ADCK5: variants seen among roughly 807,000 people sequenced by gnomAD.
The protein encoded by ADCK5 is uncharacterized aarF domain-containing protein kinase 5.
In ADCK5, 43 loss-of-function variants were observed where a neutral mutation model predicts 64.9. The observed-to-expected ratio is 0.66, with a 90% CI of 0.52 to 0.85. ADCK5 has a LOEUF of 0.85. Ranked by LOEUF, ADCK5 falls within the 40% of genes least tolerant of loss-of-function variation. The pLI, the probability that ADCK5 is intolerant of heterozygous loss-of-function variation, is 0.00. For synonymous variants in ADCK5, 434 were observed against 342.8 expected, an observed-to-expected ratio of 1.27 and a Z score of -2.94; for missense variants, 760 against 810.5, an observed-to-expected ratio of 0.94 and a Z score of 0.76.
chr8:144,377,326 G>A (rs1201975682), intron 1 of ADCK5: 1 of 152,152 alleles, frequency 6.6e-6, no homozygotes, highest in Non-Finnish European at 1.5e-5. Flanking sequence ...TGTGTCAAGA[G>A]TCTCATGGTG....
At chr8:144,373,867 A>T, upstream of ADCK5, 1 of 394,028 alleles carries the variant, frequency 2.5e-6, no homozygotes, top group Non-Finnish European at 4.4e-6. Flanking sequence ...CTCCGCTCTC[A>T]GGAGGCGCGG....
At chr8:144,381,728 T>G (rs782802372) in intron 2 of ADCK5, among the ~76,000 whole-genome samples, 3 of 121,562 alleles carry the variant, frequency 2.5e-5, no homozygotes, top group South Asian at 2.9e-4. Flanking sequence ...AGGCACCTGC[T>G]GCACTCAGGA....
intron 3 of ADCK5, among the ~76,000 whole-genome samples, chr8:144,389,947 G>A (rs920668446): frequency 1.3e-4 from 19 of 151,782 alleles, no homozygotes; most frequent in African/African-American, 3.4e-4. Context: ...TCCTGCCTCA[G>A]TCTCCCGAGT....
chr8:144,389,954 G>A (rs1196261502), intron 3 of ADCK5, among the ~76,000 whole-genome samples: 7 of 151,774 alleles, frequency 4.6e-5, no homozygotes, highest in South Asian at 2.1e-4. Context: ...TCAGTCTCCC[G>A]AGTAGCTGGG....
At chr8:144,379,315 G>A (rs1819499760) in intron 1 of ADCK5, 72 bp from the exon 2 acceptor site, 1 of 1,169,118 alleles carries the variant, frequency 8.6e-7, no homozygotes, top group Non-Finnish European at 1.2e-6. Flanking sequence ...GCACATGTAA[G>A]TGCTGGTACT....
At position 144,392,953 on chromosome 8, in the gene ADCK5, G is replaced by A; in HGVS notation, c.1638-16G>A. On this transcript the variant is annotated splice_polypyrimidine_tract_variant and intron_variant, in intron 14 of 14. Transcript: ENST00000308860. ...TGCTCCCCACCCACCTGTGACCTGT[G>A]ACCTGACCCACGCAGGCTGGAGACC... The A allele has an allele frequency of 7.6e-6, 12 of 1,587,316 alleles. No homozygotes were observed. The highest frequency in any genetic ancestry group is 1.0e-5 in the Non-Finnish European group (12 of 1,169,458).
intron 3 of ADCK5, among the ~76,000 whole-genome samples, chr8:144,387,817 C>T (rs530475055): frequency 6.6e-6 from 1 of 150,958 alleles, no homozygotes; most frequent in Admixed American, 6.6e-5. Context: ...CTGCAACCTC[C>T]ACCTCCTGGA....
chr8:144,379,015 C>T (rs1200422992), intron 1 of ADCK5, among the ~76,000 whole-genome samples: 1 of 151,206 alleles, frequency 6.6e-6, no homozygotes, highest in Non-Finnish European at 1.5e-5. Context: ...CTCACTGCAA[C>T]CTCTGCCTCC....
chr8:144,388,832 C>T (rs2130721603), intron 3 of ADCK5, among the ~76,000 whole-genome samples: 1 of 152,158 alleles, frequency 6.6e-6, no homozygotes, highest in South Asian at 2.1e-4. Context: ...TCTACGGGGG[C>T]CAGAGTGGGG....
At chr8:144,390,496 C>T (rs1820163629) in intron 3 of ADCK5, among the ~76,000 whole-genome samples, 175 bp from the exon 4 acceptor site, 1 of 152,276 alleles carries the variant, frequency 6.6e-6, no homozygotes, top group Non-Finnish European at 1.5e-5. Context: ...CTCAGCAGCA[C>T]CCCTTGTGCT....
chr8:144,377,808 C>T (rs1459169920), intron 1 of ADCK5, among the ~76,000 whole-genome samples: 2 of 152,216 alleles, frequency 1.3e-5, no homozygotes, highest in South Asian at 2.1e-4. Flanking sequence ...CCCATCCGGG[C>T]GTCCACCTTC....
At chr8:144,378,453 GCTCT>G (rs140097343) in intron 1 of ADCK5, among the ~76,000 whole-genome samples, 1 of 150,896 alleles carries the variant, frequency 6.6e-6, no homozygotes, top group Non-Finnish European at 1.5e-5. Flanking sequence ...CCTCTCGCTT[GCTCT>G]CTCTCTCTCT....
In ADCK5 at chr8:144,393,027, A is replaced by C; in HGVS notation, c.1696A>C (p.Ser566Arg). 6.3e-7 allele frequency: 1 copy of C among 1,591,344 alleles called. No homozygotes were observed. Among genetic ancestry groups the C allele is most frequent in the East Asian group, 2.3e-5 (1 of 44,036 alleles). Residue 566 changes from serine (S) to arginine (R), a missense_variant, in exon 15 of 15, where the codon AGC (serine) becomes CGC (arginine). By Grantham distance (110) the Ser-to-Arg change is moderately radical. Transcript: ENST00000308860. ...CCTGGCTCGTGCTCTGGTCCACCTG[A>C]GCCTCGTGCCCCCAGCGGAGGAGCT... ...ALLARALVHL[S>R]LVPPAEELYQ...
intron 3 of ADCK5, among the ~76,000 whole-genome samples, chr8:144,388,950 G>T (rs181938574): frequency 6.6e-6 from 1 of 152,150 alleles, no homozygotes; most frequent in Non-Finnish European, 1.5e-5. Context: ...AGGCAGGTAC[G>T]TGAGCTTCAC....
intron 3 of ADCK5, among the ~76,000 whole-genome samples, chr8:144,386,819 A>G (rs909906292): frequency 2.0e-5 from 3 of 152,230 alleles, no homozygotes; most frequent in Non-Finnish European, 4.4e-5. Context: ...CCTTCTTAGC[A>G]TAAGCCCTCA....
Position 144,376,609 on chromosome 8 carries a change from T to G in ADCK5, c.12+2502T>G, listed in dbSNP as rs1007253526. Among the ~76,000 whole-genome samples the G allele has an allele frequency of 6.6e-6, 1 of 152,224 alleles. No homozygotes were observed. Among genetic ancestry groups the G allele is most frequent in the African/African-American group, 2.4e-5 (1 of 41,454 alleles). On this transcript the variant is annotated intron_variant, in intron 1 of 14. Coordinates refer to ENST00000308860, the MANE Select transcript of ADCK5 (RefSeq NM_174922.5). The surrounding 1 kb of genome is among the most constrained non-coding windows in gnomAD (Gnocchi z 5.1). ...CATGACTTTCCTGGCCTCACCTGTT[T>G]GGTGGAGCCTGTGGAAACAGCTTGC...
At chr8:144,387,313 C>G (rs1183969856) in intron 3 of ADCK5, among the ~76,000 whole-genome samples, 1 of 152,158 alleles carries the variant, frequency 6.6e-6, no homozygotes, top group Non-Finnish European at 1.5e-5. Flanking sequence ...ATTTCGGTTT[C>G]CCCCATTTGA....
At chr8:144,382,657 C>T (rs531065246) in intron 2 of ADCK5, among the ~76,000 whole-genome samples, 13 of 152,356 alleles carry the variant, frequency 8.5e-5, no homozygotes, top group Admixed American at 7.2e-4. Context: ...ACGTGCCGAC[C>T]GCAGCATCTT....
At position 144,391,874 on chromosome 8, in the gene ADCK5, C is replaced by CGGGGGGGCGGGGGCGGGTCA; in HGVS notation, c.1014+12_1014+31dup. ...GGGCTGGCAGTGCATGACGTGAGTG[C>CGGGGGGGCGGGGGCGGGTCA]GGGGGGGCGGGGGCGGGTCAGGGCG... is the stretch of plus-strand genomic sequence containing the variant. On this transcript the variant is annotated intron_variant, in intron 9 of 14. Coordinates refer to ENST00000308860, the MANE Select transcript of ADCK5 (RefSeq NM_174922.5). The CGGGGGGGCGGGGGCGGGTCA allele has an allele frequency of 7.4e-6, 1 of 135,106 alleles. No homozygotes were observed. The highest frequency in any genetic ancestry group is 1.4e-5 in the Non-Finnish European group (1 of 71,836). 8.4% of individuals were successfully genotyped at this position (135,106 alleles called of 1,614,324 possible).
Sources: allele counts gnomAD v4.1 joint callset (sites outside exome capture counted in the v4.1 genomes callset), GRCh38; gene constraint gnomAD v4.1.1; non-coding constraint Gnocchi (gnomAD v3.1); transcripts MANE v1.5; gene names NCBI Gene and HGNC (gene_info 2026-07-23, HGNC 2026-07-21).